Variants in ZBTB16 observed in about 807,000 individuals in gnomAD.
ZBTB16 encodes the protein zinc finger and BTB domain-containing protein 16.
Under a neutral mutation model 56.8 loss-of-function variants are expected in ZBTB16, and 8 were observed. That is an observed-to-expected ratio of 0.14 (90% confidence interval 0.08 to 0.25). ZBTB16 has a LOEUF of 0.25. Among genes scored for constraint, ZBTB16 ranks in the 10% least tolerant of loss-of-function variants. The pLI is 1.00. For missense variants in ZBTB16, 625 were observed against 903.0 expected (o/e 0.69, Z 3.95); for synonymous variants, 363 against 368.5 (o/e 0.98, Z 0.17).
At chr11:114,120,348 G>A (rs1716764552) in intron 2 of ZBTB16, among the ~76,000 whole-genome samples, 1 of 152,142 alleles carries the variant, frequency 6.6e-6, no homozygotes, top group South Asian at 2.1e-4. Context: ...AAGCAAGTGA[G>A]GTTAAAGACC....
At chr11:114,165,284 T>A (rs967866845) in intron 3 of ZBTB16, among the ~76,000 whole-genome samples, 1 of 152,194 alleles carries the variant, frequency 6.6e-6, no homozygotes. Flanking sequence ...GAGTGGGGCT[T>A]CTCTGGCTTG....
intron 4 of ZBTB16, among the ~76,000 whole-genome samples, chr11:114,191,993 G>A: frequency 6.6e-6 from 1 of 152,146 alleles, no homozygotes; most frequent in East Asian, 1.9e-4. Flanking sequence ...CACTCCAATA[G>A]TAGCTTAAAA....
intron 3 of ZBTB16, among the ~76,000 whole-genome samples, chr11:114,174,256 C>A (rs1320910375): frequency 6.6e-6 from 1 of 151,558 alleles, no homozygotes; most frequent in African/African-American, 2.4e-5. Context: ...TCTTAATAGG[C>A]AAAGGACTCA....
rs760042614 is a variant in ZBTB16, at chr11:114,064,495, A to G, written c.1195A>G (p.Ser399Gly). The change falls in exon 2 of 7, where the codon AGC becomes GGC. Residue 399 changes from serine to glycine, a missense_variant. By Grantham distance (56) the Ser-to-Gly change is moderately conservative (BLOSUM62 0). Around this residue, in one of 6 missense-constraint regions of ZBTB16, gnomAD observed 384 missense variants for 393.5 expected, o/e 0.98. Transcript: ENST00000335953. The surrounding 1 kb of genome is among the most constrained non-coding windows in gnomAD (Gnocchi z 4.2). ...GELAVGMKSESRTIGEQCSVC... is the reference protein window; with the variant it reads ...GELAVGMKSEGRTIGEQCSVC... The stretch of plus-strand genomic sequence containing the variant: ...GCTGGCTGTGGGCATGAAGTCAGAG[A>G]GCCGGACCATCGGAGAGCAGTGCAG... 4 of 1,613,944 alleles carry G rather than the reference A, an allele frequency of 2.5e-6. No individual in the cohort carries two copies. In the African/African-American group the frequency reaches 5.3e-5, roughly 22 times the overall value.
chr11:114,061,155 G>T (rs1473327607), intron 1 of ZBTB16, among the ~76,000 whole-genome samples: 2 of 151,970 alleles, frequency 1.3e-5, no homozygotes, highest in African/African-American at 2.4e-5. Flanking sequence ...AACTGGGGGG[G>T]TGTGAGAGCG....
chr11:114,108,243 T>C (rs970981504), intron 2 of ZBTB16, among the ~76,000 whole-genome samples: 1 of 152,070 alleles, frequency 6.6e-6, no homozygotes, highest in Non-Finnish European at 1.5e-5. Flanking sequence ...AGCAGCTGAG[T>C]GTGCAGAATG....
chr11:114,240,612 C>A (rs957525410), intron 4 of ZBTB16, among the ~76,000 whole-genome samples: 1 of 152,182 alleles, frequency 6.6e-6, no homozygotes, highest in Admixed American at 6.5e-5. Flanking sequence ...CGGGGAGCTC[C>A]TGTGCTCAGG....
At chr11:114,233,001 C>A (rs1220127251) in intron 4 of ZBTB16, among the ~76,000 whole-genome samples, 7 of 151,384 alleles carry the variant, frequency 4.6e-5, no homozygotes, top group African/African-American at 1.7e-4. Context: ...GGGCTGCATA[C>A]CTCTCCGGAT....
intron 2 of ZBTB16, among the ~76,000 whole-genome samples, chr11:114,079,812 G>A (rs768401): frequency 6.6e-6 from 1 of 152,200 alleles, no homozygotes; most frequent in Non-Finnish European, 1.5e-5. Context: ...TCTTAGGTGG[G>A]AAGTGGACAA....
Position 114,252,587 on chromosome 11 carries a change from G to C in ZBTB16, c.*2032G>C, listed in dbSNP as rs917767445. Among the ~76,000 whole-genome samples, 4 of 152,028 alleles carry C rather than the reference G, an allele frequency of 2.6e-5. No individual in the cohort carries two copies. The East Asian group carries it at 5.8e-4, about 22-fold the overall frequency. On this transcript the variant is annotated 3_prime_UTR_variant, in exon 7 of 7. Coordinates refer to ENST00000335953, the MANE Select transcript of ZBTB16 (RefSeq NM_006006.6). ...GCAATATTCGTGTTTGCTTTGGGAC[G>C]GACCCTCCGTTTCATCTCATGCTTT... is the stretch of plus-strand genomic sequence containing the variant.
At chr11:114,127,517 A>T (rs1425660501) in intron 2 of ZBTB16, among the ~76,000 whole-genome samples, 1 of 152,198 alleles carries the variant, frequency 6.6e-6, no homozygotes, top group Non-Finnish European at 1.5e-5. Flanking sequence ...ATGCATGCAT[A>T]CACACATACA....
intron 5 of ZBTB16, among the ~76,000 whole-genome samples, chr11:114,245,486 C>T (rs2852794): frequency 6.6e-6 from 1 of 152,110 alleles, no homozygotes; most frequent in Non-Finnish European, 1.5e-5. Flanking sequence ...CCTCAGAGCC[C>T]TAAAAACCCC....
At chr11:114,233,830 G>A (rs1482855078) in intron 4 of ZBTB16, among the ~76,000 whole-genome samples, 2 of 152,272 alleles carry the variant, frequency 1.3e-5, no homozygotes, top group East Asian at 1.9e-4. Flanking sequence ...TGGAGGTGCC[G>A]AGTAATGAAA....
At chr11:114,181,594 C>T (rs1565671869) in intron 3 of ZBTB16, among the ~76,000 whole-genome samples, 1 of 152,218 alleles carries the variant, frequency 6.6e-6, no homozygotes, top group Non-Finnish European at 1.5e-5. Context: ...GGGAGGCAGA[C>T]AGATAGGCTT....
At chr11:114,180,589 A>G (rs1274691303) in intron 3 of ZBTB16, among the ~76,000 whole-genome samples, 1 of 152,208 alleles carries the variant, frequency 6.6e-6, no homozygotes, top group Non-Finnish European at 1.5e-5. Context: ...GCCAGAGACC[A>G]TGTCCTTGAG....
At chr11:114,167,183 T>G (rs1379949089) in intron 3 of ZBTB16, among the ~76,000 whole-genome samples, 1 of 151,178 alleles carries the variant, frequency 6.6e-6, no homozygotes, top group Non-Finnish European at 1.5e-5. Context: ...GAAAATAGAT[T>G]GGAGAGGAGC....
intron 2 of ZBTB16, among the ~76,000 whole-genome samples, chr11:114,109,573 G>A (rs1940929324): frequency 6.6e-6 from 1 of 152,078 alleles, no homozygotes; most frequent in East Asian, 1.9e-4. Context: ...CGCAGGATGG[G>A]TTATGGCCTG....
intron 4 of ZBTB16, among the ~76,000 whole-genome samples, chr11:114,203,324 G>A (rs916559106): frequency 5.3e-5 from 8 of 152,166 alleles, no homozygotes; most frequent in African/African-American, 1.9e-4. Flanking sequence ...CTACTAATGG[G>A]TATGTGGTTC....
chr11:114,099,565 G>C (rs1940536457), intron 2 of ZBTB16, among the ~76,000 whole-genome samples: 1 of 152,094 alleles, frequency 6.6e-6, no homozygotes, highest in African/African-American at 2.4e-5. Flanking sequence ...GGATGATACT[G>C]TAGTCTCAAG....
Sources: gnomAD v4.1 joint callset for allele counts (sites outside exome capture counted in the v4.1 genomes callset) on GRCh38, gnomAD v4.1.1 for gene constraint, gnomAD v4.1.1 regional missense constraint, Gnocchi (gnomAD v3.1) non-coding constraint, MANE v1.5 for transcripts, NCBI Gene and HGNC (gene_info 2026-07-23, HGNC 2026-07-21) for gene names.